EEF1G: variants seen among roughly 807,000 people sequenced by gnomAD.
The protein encoded by EEF1G is elongation factor 1-gamma.
Under a neutral mutation model 58.3 loss-of-function variants are expected in EEF1G, and 14 were observed. The ratio of observed to expected loss-of-function variants is 0.24; its 90% CI spans 0.16 to 0.38. The LOEUF is 0.38. EEF1G is among the 10% of genes least tolerant of loss of function. EEF1G has a pLI of 1.00. For synonymous variants in EEF1G, 180 were observed against 206.8 expected (o/e 0.87, Z 1.11); for missense variants, 322 against 550.1 (o/e 0.59, Z 4.15).
chr11:62,569,731 C>T (rs7942991), intron 5 of EEF1G, among the ~76,000 whole-genome samples: 32,788 of 152,176 alleles, frequency 0.22, 4,144 homozygotes, highest in Non-Finnish European at 0.3. Flanking sequence ...TCAAATTCTA[C>T]TCTACCACTT....
chr11:62,568,927 C>T (rs370876199), intron 5 of EEF1G, among the ~76,000 whole-genome samples: 13 of 151,586 alleles, frequency 8.6e-5, no homozygotes, highest in African/African-American at 3.1e-4. Context: ...GAGCCGAGAT[C>T]GCGCCATCGC....
chr11:62,568,866 A>G (rs1204725393), intron 5 of EEF1G, among the ~76,000 whole-genome samples: 3 of 151,824 alleles, frequency 2.0e-5, no homozygotes, highest in Non-Finnish European at 4.4e-5. Flanking sequence ...CCAGCTACTC[A>G]GGAGGCTGAG....
At chr11:62,566,738 G>T in intron 7 of EEF1G, 68 bp downstream of exon 7, 3 of 1,427,638 alleles carry the variant, frequency 2.1e-6, no homozygotes, top group Middle Eastern at 1.8e-4. Flanking sequence ...CTGTGTGTGA[G>T]GGGGGACATA....
At chr11:62,567,080 G>GTT (rs1184787865) in intron 6 of EEF1G, 70 bp from the exon 7 acceptor site, 1 of 1,514,922 alleles carries the variant, frequency 6.6e-7, no homozygotes, top group African/African-American at 1.4e-5. Flanking sequence ...AAACCACACA[G>GTT]AGCAAGCAAG....
intron 7 of EEF1G, among the ~76,000 whole-genome samples, chr11:62,561,456 C>T (rs553682036): frequency 6.8e-6 from 1 of 146,824 alleles, no homozygotes; most frequent in Non-Finnish European, 1.5e-5. Context: ...GGGCGGATCA[C>T]GAGGTCAAGA....
intron 7 of EEF1G, among the ~76,000 whole-genome samples, chr11:62,561,510 T>TAAA (rs71458419): frequency 3.9e-5 from 4 of 102,360 alleles, no homozygotes; most frequent in Admixed American, 1.1e-4. Flanking sequence ...CTATCTCTAC[T>TAAA]AAAAAAAAAA....
rs1198987409 is a variant in EEF1G, at chr11:62,566,971, G to A, written c.692C>T (p.Pro231Leu). The A allele has an allele frequency of 1.9e-6, 3 of 1,613,956 alleles. No individual in the cohort carries two copies. Among genetic ancestry groups the A allele is most frequent in the Non-Finnish European group, 2.5e-6 (3 of 1,179,900 alleles). ...TTCCCGTGAACCCTTCTCTTTCCGT[G>A]GTGTGTCCTTTTTAGGTTGGGTCTC... ...FAETQPKKDT[P>L]RKEKGSREEK... The change falls in exon 7 of 10, where the codon CCA becomes CTA. Residue 231 changes from proline (P) to leucine (L), a missense_variant. This residue lies in a region of EEF1G where 208 missense variants were observed against 323.7 expected (regional missense o/e 0.64). Coordinates refer to ENST00000329251, the MANE Select transcript of EEF1G (RefSeq NM_001404.5).
chr11:62,573,078 T>C, intron 1 of EEF1G: 1 of 179,086 alleles, frequency 5.6e-6, no homozygotes, highest in South Asian at 1.6e-4. Context: ...CATACTCTCC[T>C]CCCTTCCCGG....
chr11:62,570,826 G>A lies in EEF1G; in HGVS notation c.522+139C>T, dbSNP rs1941618552. 5.8e-6 allele frequency: 7 copies of A among 1,201,362 alleles called. No homozygotes were observed. The African/African-American group carries it at 6.0e-5, about 10-fold the overall frequency. 74.4% of individuals were successfully genotyped at this position (1,201,362 alleles called of 1,614,324 possible). ...CTACCTCGGCCCCCCAGTGTGCTCG[G>A]ATTACAGGCATGAGCCACTGCACCC... On this transcript the variant is annotated intron_variant, in intron 5 of 9. Coordinates refer to ENST00000329251, the MANE Select transcript of EEF1G (RefSeq NM_001404.5).
At position 62,567,523 on chromosome 11, in the gene EEF1G, T is replaced by C; in HGVS notation, c.528A>G (p.Leu176=). 6.2e-7 allele frequency: 1 copy of C among 1,604,014 alleles called. No homozygotes were observed. The highest frequency in any genetic ancestry group is 1.1e-5 in the South Asian group (1 of 89,240). Residue 176 remains leucine (L), a synonymous_variant, in exon 6 of 10, where the codon CTA becomes CTG. Transcript: ENST00000329251. ...CTLLWLYKQV[L]EPSFRQAFPN... Reference sequence around the variant, plus strand: ...GAAAGGCCTGGCGGAAAGAAGGCTCTAGAACCTGCCAGGACATAAGGGTGT... The same window carrying C: ...GAAAGGCCTGGCGGAAAGAAGGCTCCAGAACCTGCCAGGACATAAGGGTGT...
chr11:62,559,717 C>T lies in EEF1G; in HGVS notation c.1276G>A (p.Val426Met), dbSNP rs555681172. The change falls in exon 10 of 10, where the codon GTG becomes ATG. Residue 426 changes from valine (V) to methionine (M), a missense_variant. Physicochemically the swap from Val to Met is conservative, Grantham distance 21. Coordinates refer to ENST00000329251, the MANE Select transcript of EEF1G (RefSeq NM_001404.5). ...YFSWEGAFQH[V>M]GKAFNQGKIF... ...TTGCCCTGATTGAAGGCTTTGCCCA[C>T]ATGCTGGAAGGCCCCCTCCCAGGAA... 5.0e-6 allele frequency: 8 copies of T among 1,614,020 alleles called. No individual in the cohort carries two copies. The highest frequency in any genetic ancestry group is 1.3e-5 in the African/African-American group (1 of 75,036).
chr11:62,573,868 G>A lies in EEF1G; in HGVS notation c.-26C>T, dbSNP rs1258978401. 8 of 1,613,682 alleles carry A rather than the reference G, an allele frequency of 5.0e-6. No homozygotes were observed. The East Asian group carries it at 6.7e-5, about 13-fold the overall frequency. On this transcript the variant is annotated 5_prime_UTR_variant, in exon 1 of 10. Coordinates refer to ENST00000329251, the MANE Select transcript of EEF1G (RefSeq NM_001404.5). The stretch of plus-strand genomic sequence containing the variant: ...GGTGATTCCGCAAAGAAAGGGGGTG[G>A]GGTTCTCGGCGCTGCCGCAAAGTAA...
At chr11:62,563,057 C>G (rs1341145251) in intron 7 of EEF1G, among the ~76,000 whole-genome samples, 1 of 150,978 alleles carries the variant, frequency 6.6e-6, no homozygotes, top group Non-Finnish European at 1.5e-5. Context: ...TTGCAGTGAG[C>G]CGAGATCACA....
At position 62,571,676 on chromosome 11, in the gene EEF1G, T is replaced by C. The variant is rs765132516; in HGVS notation, c.242A>G (p.Asn81Ser). 1 of 1,587,268 alleles carries C rather than the reference T, an allele frequency of 6.3e-7. No homozygotes were observed. Among genetic ancestry groups the C allele is most frequent in the Non-Finnish European group, 8.6e-7 (1 of 1,166,932 alleles). Reference sequence around the variant, plus strand: ...TGGAGTACTTCCCCGCAGCTCCTCATTGCTCACTGCAGAGGCAGAACACGA... The same window carrying C: ...TGGAGTACTTCCCCGCAGCTCCTCACTGCTCACTGCAGAGGCAGAACACGA... Reference protein sequence around the residue: ...ESNAIAYYVSNEELRGSTPEA... With the variant: ...ESNAIAYYVSSEELRGSTPEA... The change falls in exon 4 of 10, where the codon AAT (asparagine) becomes AGT (serine). Residue 81 changes from asparagine (N) to serine (S), a missense_variant. Coordinates refer to ENST00000329251, the MANE Select transcript of EEF1G (RefSeq NM_001404.5).
In EEF1G at chr11:62,571,567, G is replaced by A; in HGVS notation, c.351C>T (p.Thr117=). 1.3e-6 allele frequency: 2 copies of A among 1,595,636 alleles called. No individual in the cohort carries two copies. Among genetic ancestry groups the A allele is most frequent in the Non-Finnish European group, 1.7e-6 (2 of 1,170,754 alleles). Residue 117 remains threonine (T), a synonymous_variant, in exon 4 of 10, where the codon ACC becomes ACT. Coordinates refer to ENST00000329251, the MANE Select transcript of EEF1G (RefSeq NM_001404.5). ...GTTTGTTGTGGTGCATGATGCCCAAGGTGGGGAACACCCAGGTACTGGCTG... is the reference window on the plus strand; with the variant it reads ...GTTTGTTGTGGTGCATGATGCCCAAAGTGGGGAACACCCAGGTACTGGCTG... ...VPPASTWVFP[T]LGIMHHNKQA...
chr11:62,572,579 C>T lies in EEF1G; in HGVS notation c.171+5G>A, dbSNP rs1189984641. The stretch of plus-strand genomic sequence containing the variant: ...CCGAAGGATGCTCCCCATCTCCCAA[C>T]TCACCTTGCCGGCAGGAAATTTGCG... On this transcript the variant is annotated splice_donor_5th_base_variant and intron_variant, in intron 2 of 9. Transcript: ENST00000329251. 1.2e-6 allele frequency: 2 copies of T among 1,611,958 alleles called. No individual in the cohort carries two copies. The highest frequency in any genetic ancestry group is 2.2e-5 in the East Asian group (1 of 44,884).
intron 7 of EEF1G, among the ~76,000 whole-genome samples, chr11:62,564,707 C>T (rs889537136): frequency 4.0e-5 from 5 of 125,888 alleles, no homozygotes; most frequent in Non-Finnish European, 6.2e-5. Flanking sequence ...TGCAGTGAGC[C>T]AAGATTGCAC....
chr11:62,572,680 G>A lies in EEF1G; in HGVS notation c.75C>T (p.Ser25=). The change falls in exon 2 of 10, where the codon AGC becomes AGT. Residue 25 remains serine (S), a synonymous_variant. Transcript: ENST00000329251. The stretch of plus-strand genomic sequence containing the variant: ...CGGAGAGCACGCGGACCTGAGCCCC[G>A]CTGTACTGAGCAGCGATGAGAGCCT... ...AFKALIAAQY[S]GAQVRVLSAP... 3 of 1,613,358 alleles carry A rather than the reference G, an allele frequency of 1.9e-6. No individual in the cohort carries two copies. Among genetic ancestry groups the A allele is most frequent in the Non-Finnish European group, 2.5e-6 (3 of 1,179,882 alleles).
intron 1 of EEF1G, 25 bp downstream of exon 1, chr11:62,573,806 G>A (rs1307743886): frequency 1.2e-6 from 2 of 1,613,468 alleles, no homozygotes. Context: ...AGGATGACCC[G>A]AACCACCAGA....
Sources: gnomAD v4.1 joint callset for allele counts (sites outside exome capture counted in the v4.1 genomes callset) on GRCh38, gnomAD v4.1.1 for gene constraint, gnomAD v4.1.1 regional missense constraint, MANE v1.5 for transcripts, NCBI Gene and HGNC (gene_info 2026-07-23, HGNC 2026-07-21) for gene names.